The following PLK1 variants were observed in gnomAD, a reference collection of about 807,000 sequenced individuals.
PLK1 encodes the protein polo like kinase 1, also known as serine/threonine-protein kinase PLK1.
PLK1 carries 6 observed loss-of-function variants against 56.7 expected under a neutral mutation model. That is an observed-to-expected ratio of 0.11 (90% CI 0.06 to 0.21). The LOEUF (loss-of-function observed/expected upper bound fraction) is 0.21. Among genes scored for constraint, PLK1 ranks in the 10% least tolerant of loss-of-function variants. The probability of loss-of-function intolerance (pLI) is 1.00; values close to 1 mark genes in which losing one functional copy is unlikely to be tolerated. For synonymous variants in PLK1, 298 were observed against 325.0 expected (o/e 0.92, Z 0.89); for missense variants, 546 against 814.4 (o/e 0.67, Z 4.01).
intron 5 of PLK1, among the ~76,000 whole-genome samples, chr16:23,686,270 A>G (rs777101241): frequency 1.3e-5 from 2 of 152,116 alleles, no homozygotes; most frequent in African/African-American, 4.8e-5. Context: ...AGCTCAAGTG[A>G]TCCTCCTGCC....
intron 6 of PLK1, among the ~76,000 whole-genome samples, chr16:23,688,447 G>A (rs564856373): frequency 6.6e-6 from 1 of 152,378 alleles, no homozygotes; most frequent in Admixed American, 6.5e-5. Context: ...TTGGTGCGCT[G>A]TGCTGAGACT....
In PLK1 at chr16:23,689,409, C is replaced by T; in HGVS notation, c.1425+17C>T. On this transcript the variant is annotated intron_variant, in intron 8 of 9. Coordinates refer to ENST00000300093, the MANE Select transcript of PLK1 (RefSeq NM_005030.6). This position sits in a 1 kb window ranked among gnomAD's most constrained non-coding sequence, Gnocchi z 4.8. Reference sequence around the variant, plus strand: ...ATGAAGAAGGTGAGTGCCGTCCGGCCCATGGGGGGTGGTGTTGCAGAAGTG... The same window carrying T: ...ATGAAGAAGGTGAGTGCCGTCCGGCTCATGGGGGGTGGTGTTGCAGAAGTG... 6.2e-7 allele frequency: 1 copy of T among 1,603,566 alleles called. No individual in the cohort carries two copies. Among genetic ancestry groups the T allele is most frequent in the Non-Finnish European group, 8.5e-7 (1 of 1,171,056 alleles).
chr16:23,688,697 A>G lies in PLK1; in HGVS notation c.1222A>G (p.Ile408Val), dbSNP rs1181495539. The change falls in exon 7 of 10, where the codon ATC (isoleucine) becomes GTC (valine). Residue 408 changes from isoleucine to valine, a missense_variant. This residue lies in a region of PLK1 where 113 missense variants were observed against 202.0 expected (regional missense o/e 0.56). Transcript: ENST00000300093. Reference sequence around the variant, plus strand: ...GGCTGAGGATCCTGCCTGCATCCCCATCTTCTGGGTCAGCAAGTGGGTGGA... The same window carrying G: ...GGCTGAGGATCCTGCCTGCATCCCCGTCTTCTGGGTCAGCAAGTGGGTGGA... ...EEAEDPACIP[I>V]FWVSKWVDYS... 20 of 1,614,102 alleles carry G rather than the reference A, an allele frequency of 1.2e-5. No homozygotes were observed. The highest frequency in any genetic ancestry group is 1.5e-5 in the Non-Finnish European group (18 of 1,179,904).
chr16:23,689,288 C>T lies in PLK1; in HGVS notation c.1321C>T (p.Arg441Cys), dbSNP rs1353944469. ...GGGGGTGCTCTTCAATGACTCAACA[C>T]GCCTCATCCTCTACAATGATGGTGA... ...SVGVLFNDSTRLILYNDGDSL... is the reference protein window; with the variant it reads ...SVGVLFNDSTCLILYNDGDSL... Residue 441 changes from arginine to cysteine, a missense_variant, in exon 8 of 10, where the codon CGC becomes TGC. This residue lies in a region of PLK1 where 113 missense variants were observed against 202.0 expected (regional missense o/e 0.56). Transcript: ENST00000300093. This position sits in a 1 kb window ranked among gnomAD's most constrained non-coding sequence, Gnocchi z 4.8. The T allele has an allele frequency of 1.2e-6, 2 of 1,613,794 alleles. No homozygotes were observed. Among genetic ancestry groups the T allele is most frequent in the South Asian group, 2.2e-5 (2 of 91,070 alleles).
At chr16:23,683,567 G>T (rs1352431088) in intron 4 of PLK1, among the ~76,000 whole-genome samples, 1 of 152,166 alleles carries the variant, frequency 6.6e-6, no homozygotes, top group Non-Finnish European at 1.5e-5. Flanking sequence ...CCACCCCTTA[G>T]ATGAGTTGGT....
In PLK1 at chr16:23,690,362, A is replaced by C. The variant is rs539301168; in HGVS notation, c.*299A>C. On this transcript the variant is annotated 3_prime_UTR_variant, in exon 10 of 10. Coordinates refer to ENST00000300093, the MANE Select transcript of PLK1 (RefSeq NM_005030.6). ...CTTTATGCACATTAAACAGATGTGA[A>C]TATTCTTTTTCTTGTATTTCCTGAG... is the stretch of plus-strand genomic sequence containing the variant. 8 of 517,712 alleles carry C rather than the reference A, an allele frequency of 1.5e-5. No individual in the cohort carries two copies. The East Asian group carries it at 2.6e-4, about 17-fold the overall frequency. 32.1% of individuals were successfully genotyped at this position (517,712 alleles called of 1,614,324 possible).
intron 1 of PLK1, chr16:23,679,550 A>AGT (rs1382376187): frequency 5.4e-6 from 3 of 557,998 alleles, no homozygotes; most frequent in Non-Finnish European, 9.5e-6. Context: ...GTTCCAGTGA[A>AGT]GTGGAGTCTG....
intron 1 of PLK1, chr16:23,679,716 G>T (rs972167749): frequency 3.6e-6 from 1 of 278,526 alleles, no homozygotes; most frequent in Non-Finnish European, 6.8e-6. Flanking sequence ...GGGTCAGTGG[G>T]GGGGTAGTTG....
Position 23,680,901 on chromosome 16 carries a change from C to T in PLK1, c.578-13C>T, listed in dbSNP as rs561142189. On this transcript the variant is annotated splice_polypyrimidine_tract_variant and intron_variant, in intron 2 of 9. Transcript: ENST00000300093. Reference sequence around the variant, plus strand: ...TGGCATCTAAGTACCAACTCTTCCTCCCTCTGTCCCAGGGGATTTTGGACT... The same window carrying T: ...TGGCATCTAAGTACCAACTCTTCCTTCCTCTGTCCCAGGGGATTTTGGACT... The T allele has an allele frequency of 1.4e-5, 23 of 1,603,416 alleles. No homozygotes were observed. The South Asian group carries it at 2.2e-4, about 16-fold the overall frequency.
chr16:23,681,203 T>A, intron 3 of PLK1, 145 bp downstream of exon 3: 1 of 742,632 alleles, frequency 1.3e-6, no homozygotes, highest in Non-Finnish European at 2.3e-6. Flanking sequence ...AAACAAAGCC[T>A]AATTGTCATA....
chr16:23,684,905 G>A (rs1959400497), intron 5 of PLK1, among the ~76,000 whole-genome samples: 1 of 139,660 alleles, frequency 7.2e-6, no homozygotes, highest in South Asian at 2.3e-4. Context: ...TGATCCGCCT[G>A]CCTCGGCCTC....
At chr16:23,687,423 G>T (rs1190201593) in intron 5 of PLK1, 46 bp from the exon 6 acceptor site, 1 of 1,444,836 alleles carries the variant, frequency 6.9e-7, no homozygotes, top group African/African-American at 1.4e-5. Context: ...TGTGGCAGGG[G>T]AGTCCCGTGC....
intron 4 of PLK1, 75 bp from the exon 5 acceptor site, chr16:23,683,795 C>T: frequency 2.6e-6 from 3 of 1,134,058 alleles, no homozygotes; most frequent in South Asian, 1.2e-5. Context: ...TGGGGACCTG[C>T]AGCTCCTTTG....
chr16:23,688,899 T>C (rs924448702), intron 7 of PLK1, among the ~76,000 whole-genome samples, 154 bp downstream of exon 7: 2 of 145,914 alleles, frequency 1.4e-5, no homozygotes, highest in African/African-American at 5.1e-5. Flanking sequence ...CAGTGCTCCC[T>C]GACTCCCCAG....
intron 5 of PLK1, among the ~76,000 whole-genome samples, chr16:23,684,846 G>T (rs1239724702): frequency 6.6e-6 from 1 of 151,048 alleles, no homozygotes; most frequent in African/African-American, 2.4e-5. Flanking sequence ...TTTTAGTAGA[G>T]ACGGGGTTTC....
Position 23,684,002 on chromosome 16 carries a change from A to C in PLK1, c.949A>C (p.Thr317Pro), listed in dbSNP as rs1597135293. 6.2e-7 allele frequency: 1 copy of C among 1,613,920 alleles called. No individual in the cohort carries two copies. Among genetic ancestry groups the C allele is most frequent in the East Asian group, 2.2e-5 (1 of 44,866 alleles). ...SGYIPARLPI[T>P]CLTIPPRFSI... ...CTATATCCCTGCCCGTCTCCCCATC[A>C]CCTGCCTGACCATTCCACCAAGGTT... The change falls in exon 5 of 10, where the codon ACC (threonine) becomes CCC (proline). Residue 317 changes from threonine (T) to proline (P), a missense_variant. Around this residue, in one of 7 missense-constraint regions of PLK1, gnomAD observed 157 missense variants for 184.0 expected, o/e 0.85. Transcript: ENST00000300093.
Position 23,690,156 on chromosome 16 carries a change from G to A in PLK1, c.*93G>A, listed in dbSNP as rs2141001977. The A allele has an allele frequency of 1.0e-6, 1 of 957,504 alleles. No homozygotes were observed. Among genetic ancestry groups the A allele is most frequent in the African/African-American group, 1.6e-5 (1 of 62,936 alleles). The allele number at this position is 957,504 out of a possible 1,614,324, so 59.3% of individuals were successfully genotyped here. Reference sequence around the variant, plus strand: ...GCTCCCGCGGTGCCATGTCTGCAGTGTGCCCCCCAGCCCCGGTGGCTGGGC... The same window carrying A: ...GCTCCCGCGGTGCCATGTCTGCAGTATGCCCCCCAGCCCCGGTGGCTGGGC... On this transcript the variant is annotated 3_prime_UTR_variant, in exon 10 of 10. Coordinates refer to ENST00000300093, the MANE Select transcript of PLK1 (RefSeq NM_005030.6).
intron 5 of PLK1, among the ~76,000 whole-genome samples, chr16:23,685,016 C>G (rs1263564366): frequency 3.6e-5 from 4 of 111,970 alleles, no homozygotes; most frequent in Admixed American, 1.3e-4. Flanking sequence ...GGGTCTGGCT[C>G]TGTCTCCTAG....
At chr16:23,683,316 A>G (rs1959371147) in intron 4 of PLK1, among the ~76,000 whole-genome samples, 2 of 152,164 alleles carry the variant, frequency 1.3e-5, no homozygotes. Flanking sequence ...CACAACCACC[A>G]ACAGAAATAC....
Sources: allele counts gnomAD v4.1 joint callset (sites outside exome capture counted in the v4.1 genomes callset), GRCh38; gene constraint gnomAD v4.1.1; regional missense constraint gnomAD v4.1.1; non-coding constraint Gnocchi (gnomAD v3.1); transcripts MANE v1.5; gene names NCBI Gene and HGNC (gene_info 2026-07-23, HGNC 2026-07-21).